The following ST6GALNAC2 variants were observed in gnomAD, a reference collection of about 807,000 sequenced individuals.
ST6GALNAC2 encodes alpha-N-acetylgalactosaminide alpha-2,6-sialyltransferase 2.
In ST6GALNAC2, 42 loss-of-function variants were observed where a neutral mutation model predicts 38.7. The observed-to-expected ratio is 1.09, with a 90% CI of 0.85 to 1.40. The LOEUF (loss-of-function observed/expected upper bound fraction) is 1.40, where lower values mean the gene tolerates loss of function less well. Among genes scored for constraint, ST6GALNAC2 ranks in the 40% most tolerant of loss-of-function variants. The pLI is 0.00. For missense variants in ST6GALNAC2, 506 were observed against 481.7 expected (o/e 1.05, Z -0.47); for synonymous variants, 233 against 209.0 (o/e 1.11, Z -0.99).
At chr17:76,570,476 C>G in intron 6 of ST6GALNAC2, 89 bp downstream of exon 6, 1 of 857,268 alleles carries the variant, frequency 1.2e-6, no homozygotes, top group South Asian at 1.5e-5. Context: ...CCTCTTACCC[C>G]ATGATGGGCC....
Position 76,567,450 on chromosome 17 carries a change from TA to T in ST6GALNAC2, c.957+2del. ...TGGGCTTCTGGAAGAGAAGGCCTCT[TA>T]CCTGGTCACAGGTATGCAAAGCTGT... is the stretch of plus-strand genomic sequence containing the variant. On this transcript the variant is annotated splice_donor_variant, in intron 8 of 8. Coordinates refer to ENST00000225276, the MANE Select transcript of ST6GALNAC2 (RefSeq NM_006456.3). LOFTEE classifies it high-confidence loss of function. The T allele has an allele frequency of 6.2e-7, 1 of 1,611,096 alleles. No individual in the cohort carries two copies. The highest frequency in any genetic ancestry group is 8.5e-7 in the Non-Finnish European group (1 of 1,177,378).
In ST6GALNAC2 at chr17:76,573,071, G is replaced by T; in HGVS notation, c.530+124C>A. 9.1e-7 allele frequency: 1 copy of T among 1,096,572 alleles called. No homozygotes were observed. The allele number at this position is 1,096,572 out of a possible 1,614,324, so 67.9% of individuals were successfully genotyped here. A position where few individuals can be genotyped will look rare whatever the true frequency, so the allele number is the denominator to read the frequency against. On this transcript the variant is annotated intron_variant, in intron 4 of 8. Transcript: ENST00000225276. The surrounding 1 kb of genome is among the most constrained non-coding windows in gnomAD (Gnocchi z 5.1). ...TTGTTTTTGCCTTGTCCATGCCCGT[G>T]TGCTGGTCACAACTGCTGAGCCGCC...
chr17:76,573,160 C>CCCAA lies in ST6GALNAC2; in HGVS notation c.530+34_530+35insTTGG. ...ACACCCCCACCCTCCAGGCAACTCT[C>CCCAA]CCTCCCGCCCCTCCCCAGCTCCTAC... On this transcript the variant is annotated intron_variant, in intron 4 of 8. Coordinates refer to ENST00000225276, the MANE Select transcript of ST6GALNAC2 (RefSeq NM_006456.3). The surrounding 1 kb of genome is among the most constrained non-coding windows in gnomAD (Gnocchi z 5.1). 1 of 1,127,680 alleles carries CCCAA rather than the reference C, an allele frequency of 8.9e-7. No homozygotes were observed. Among genetic ancestry groups the CCCAA allele is most frequent in the Non-Finnish European group, 1.3e-6 (1 of 757,732 alleles). 69.9% of individuals were successfully genotyped at this position (1,127,680 alleles called of 1,614,324 possible). A position where few individuals can be genotyped will look rare whatever the true frequency, so the allele number is the denominator to read the frequency against.
chr17:76,576,859 A>G (rs1727671192), intron 2 of ST6GALNAC2, among the ~76,000 whole-genome samples: 1 of 151,488 alleles, frequency 6.6e-6, no homozygotes, highest in South Asian at 2.1e-4. Flanking sequence ...AATTCCAGCT[A>G]CTTGGGGGGC....
At chr17:76,583,203 G>C (rs1049563832) in intron 1 of ST6GALNAC2, among the ~76,000 whole-genome samples, 1 of 151,938 alleles carries the variant, frequency 6.6e-6, no homozygotes, top group South Asian at 2.1e-4. Context: ...GTGAAAACCT[G>C]TCTGTACTAA....
chr17:76,580,089 G>C (rs983156139), intron 1 of ST6GALNAC2, among the ~76,000 whole-genome samples: 16 of 152,080 alleles, frequency 1.1e-4, no homozygotes, highest in Admixed American at 2.6e-4. Context: ...TTGTTAGGAG[G>C]GTTCAAACAG....
chr17:76,575,445 C>T (rs962733168), intron 2 of ST6GALNAC2, among the ~76,000 whole-genome samples: 4 of 152,036 alleles, frequency 2.6e-5, no homozygotes, highest in Non-Finnish European at 5.9e-5. Flanking sequence ...AACTAGCATC[C>T]GTGGAAAGAG....
At chr17:76,584,248 A>G (rs2075516762) in intron 1 of ST6GALNAC2, among the ~76,000 whole-genome samples, 1 of 140,852 alleles carries the variant, frequency 7.1e-6, no homozygotes, top group Non-Finnish European at 1.5e-5. Flanking sequence ...GCTGGAGTGC[A>G]GTGGCGCGAT....
At chr17:76,580,713 C>T (rs539412211) in intron 1 of ST6GALNAC2, among the ~76,000 whole-genome samples, 1 of 81,922 alleles carries the variant, frequency 1.2e-5, no homozygotes, top group East Asian at 3.5e-4. Context: ...GAGTGAGACT[C>T]CATCTCAAAA....
chr17:76,566,271 C>G lies in ST6GALNAC2; in HGVS notation c.958G>C (p.Val320Leu), dbSNP rs1187933184. ...LLTALHTCDQ[V>L]SAYGFITSNY... is the part of the protein sequence containing the mutation. The stretch of plus-strand genomic sequence containing the variant: ...CTTGTGATGAATCCATAGGCACTGA[C>G]CTGGGCAAGGATAGTCGCTGGATTA... Residue 320 changes from valine to leucine, a missense_variant and splice_region_variant, in exon 9 of 9, where the codon GTC becomes CTC. By Grantham distance (32) the Val-to-Leu change is conservative. Coordinates refer to ENST00000225276, the MANE Select transcript of ST6GALNAC2 (RefSeq NM_006456.3). 2 of 1,613,980 alleles carry G rather than the reference C, an allele frequency of 1.2e-6. No homozygotes were observed. The highest frequency in any genetic ancestry group is 2.2e-5 in the East Asian group (1 of 44,888).
In ST6GALNAC2 at chr17:76,574,367, T is replaced by C. The variant is rs1404629390; in HGVS notation, c.359A>G (p.Gln120Arg). Residue 120 changes from glutamine to arginine, a missense_variant and splice_region_variant, in exon 3 of 9, where the codon CAA becomes CGA. Transcript: ENST00000225276. ...GAGAGACAGCGGGCGCGGGTTACCTTGGTGAGAGAGCCCCCGCCAGCCATA... is the reference window on the plus strand; with the variant it reads ...GAGAGACAGCGGGCGCGGGTTACCTCGGTGAGAGAGCCCCCGCCAGCCATA... ...APYGWRGLSH[Q>R]VIASTLSLLN... 8.1e-6 allele frequency: 13 copies of C among 1,611,518 alleles called. No individual in the cohort carries two copies. The highest frequency in any genetic ancestry group is 1.7e-5 in the Admixed American group (1 of 59,828).
At chr17:76,567,910 G>A (rs142270816) in intron 7 of ST6GALNAC2, 4 of 278,476 alleles carry the variant, frequency 1.4e-5, no homozygotes, top group Non-Finnish European at 2.8e-5. Context: ...GAGGGACAGG[G>A]AGCTCAGACC....
chr17:76,576,659 C>T (rs1479013198), intron 2 of ST6GALNAC2, among the ~76,000 whole-genome samples: 2 of 151,918 alleles, frequency 1.3e-5, no homozygotes, highest in East Asian at 1.9e-4. Context: ...CTAGAGTTTT[C>T]ACTGACAAAA....
intron 2 of ST6GALNAC2, among the ~76,000 whole-genome samples, chr17:76,576,385 T>G (rs1480472794): frequency 3.9e-5 from 6 of 152,224 alleles, no homozygotes; most frequent in African/African-American, 1.4e-4. Context: ...ACAGTTTTAC[T>G]GATGTCCCGT....
At chr17:76,570,217 C>T (rs1459160852) in intron 6 of ST6GALNAC2, 3 of 265,130 alleles carry the variant, frequency 1.1e-5, no homozygotes, top group South Asian at 5.1e-5. Flanking sequence ...GTCTGTGACC[C>T]GGAGCCGCTG....
intron 4 of ST6GALNAC2, 113 bp from the exon 5 acceptor site, chr17:76,572,888 C>T (rs1226222588): frequency 7.6e-7 from 1 of 1,319,080 alleles, no homozygotes; most frequent in Non-Finnish European, 1.1e-6. Flanking sequence ...ACCACTCCTT[C>T]TGCCCATGGC....
At chr17:76,584,060 C>T (rs60276435) in intron 1 of ST6GALNAC2, among the ~76,000 whole-genome samples, 19,360 of 150,168 alleles carry the variant, frequency 0.13, 1,600 homozygotes, top group African/African-American at 0.23. Context: ...CCTCGTGATC[C>T]GCCTGCCTCG....
In ST6GALNAC2 at chr17:76,570,571, C is replaced by A. The variant is rs781407051; in HGVS notation, c.767G>T (p.Gly256Val). The A allele has an allele frequency of 5.0e-6, 8 of 1,610,268 alleles. No homozygotes were observed. Among genetic ancestry groups the A allele is most frequent in the Non-Finnish European group, 6.8e-6 (8 of 1,178,234 alleles). ...GVPVPEGLDK[G>V]DRPHAYFGPE... ...CCACGGCCTGGCTGCTCACCTGTCC[C>A]CTTTATCTAGGCCCTCAGGGACAGG... The change falls in exon 6 of 9, where the codon GGG becomes GTG. Residue 256 changes from glycine to valine, a missense_variant. Transcript: ENST00000225276.
chr17:76,568,693 TC>T lies in ST6GALNAC2; in HGVS notation c.857+19del. On this transcript the variant is annotated intron_variant, in intron 7 of 8. Coordinates refer to ENST00000225276, the MANE Select transcript of ST6GALNAC2 (RefSeq NM_006456.3). ...GGGGGAAGGAAGGGGACGCTGTTCT[TC>T]AGGCACCCCACTCCGTACCTTTCTG... 1 of 1,613,012 alleles carries T rather than the reference TC, an allele frequency of 6.2e-7. No homozygotes were observed. The highest frequency in any genetic ancestry group is 8.5e-7 in the Non-Finnish European group (1 of 1,179,390).
Sources: allele counts gnomAD v4.1 joint callset (sites outside exome capture counted in the v4.1 genomes callset), GRCh38; gene constraint gnomAD v4.1.1; non-coding constraint Gnocchi (gnomAD v3.1); transcripts MANE v1.5; gene names NCBI Gene and HGNC (gene_info 2026-07-23, HGNC 2026-07-21).